The following ARPC1A variants were observed in gnomAD, a reference collection of about 807,000 sequenced individuals.
The protein encoded by ARPC1A is actin-related protein 2/3 complex subunit 1A.
Under a neutral mutation model 46.9 loss-of-function variants are expected in ARPC1A, and 8 were observed. The ratio of observed to expected loss-of-function variants is 0.17; its 90% CI spans 0.10 to 0.31. The LOEUF is 0.31. ARPC1A is among the 10% of genes least tolerant of loss of function. ARPC1A has a pLI of 1.00. For synonymous variants in ARPC1A, 152 were observed against 169.0 expected, an observed-to-expected ratio of 0.90 and a Z score of 0.78; for missense variants, 286 against 483.6, an observed-to-expected ratio of 0.59 and a Z score of 3.83.
At chr7:99,358,777 T>A in intron 7 of ARPC1A, 1 of 190,514 alleles carries the variant, frequency 5.2e-6, no homozygotes, top group Non-Finnish European at 1.1e-5. Flanking sequence ...CATCCTCAGG[T>A]GATCCACCCA....
chr7:99,337,147 C>T (rs1275745266), intron 2 of ARPC1A, among the ~76,000 whole-genome samples: 3 of 152,058 alleles, frequency 2.0e-5, no homozygotes, highest in Non-Finnish European at 4.4e-5. Context: ...TCCAGCTGAG[C>T]CTGGTGGCTC....
At chr7:99,359,922 A>ACTCCCTCCCTACCAC in intron 8 of ARPC1A, 184 bp downstream of exon 8, 1 of 704,312 alleles carries the variant, frequency 1.4e-6, no homozygotes, top group Non-Finnish European at 2.3e-6. Context: ...CGTGGTAGGG[A>ACTCCCTCCCTACCAC]GGGAGTCGCC....
intron 3 of ARPC1A, 43 bp from the exon 4 acceptor site, chr7:99,344,249 TG>T (rs756799569): frequency 1.9e-6 from 3 of 1,596,444 alleles, no homozygotes; most frequent in Non-Finnish European, 2.6e-6. Flanking sequence ...CGCAGTTGTT[TG>T]TCATTGACTG....
At chr7:99,361,850 T>C (rs2150875439) in intron 8 of ARPC1A, among the ~76,000 whole-genome samples, 1 of 152,368 alleles carries the variant, frequency 6.6e-6, no homozygotes, top group South Asian at 2.1e-4. Flanking sequence ...TACTGAACTC[T>C]GGTTGTGGCA....
chr7:99,330,799 C>T (rs1793132610), intron 1 of ARPC1A, among the ~76,000 whole-genome samples: 1 of 152,132 alleles, frequency 6.6e-6, no homozygotes. Context: ...CACATACTTA[C>T]GTGTGTTGAA....
At chr7:99,341,480 A>G (rs1341030197) in intron 3 of ARPC1A, among the ~76,000 whole-genome samples, 1 of 149,596 alleles carries the variant, frequency 6.7e-6, no homozygotes, top group Non-Finnish European at 1.5e-5. Flanking sequence ...GTGGTGGCAC[A>G]TGCCTGTAAT....
intron 2 of ARPC1A, among the ~76,000 whole-genome samples, chr7:99,337,589 A>G (rs1403326881): frequency 6.6e-6 from 1 of 152,200 alleles, no homozygotes; most frequent in African/African-American, 2.4e-5. Context: ...GTTTTTAAAA[A>G]GTCCGTTTTG....
At chr7:99,349,102 G>C in intron 5 of ARPC1A, 143 bp downstream of exon 5, 3 of 783,466 alleles carry the variant, frequency 3.8e-6, no homozygotes, top group Non-Finnish European at 6.1e-6. Context: ...CCAGGCTGGA[G>C]TGCAGTGGCA....
chr7:99,344,348 T>C lies in ARPC1A; in HGVS notation c.225T>C (p.Asn75=). ...TTGTCACTTGTGGGGCAGACCGCAA[T>C]GCCTATGTCTGGAGTCAGAAAGATG... ...DRIVTCGADR[N]AYVWSQKDGV... Residue 75 remains asparagine (N), a synonymous_variant, in exon 4 of 10, where the codon AAT becomes AAC. Transcript: ENST00000262942. The C allele has an allele frequency of 3.1e-6, 5 of 1,613,996 alleles. No individual in the cohort carries two copies. Among genetic ancestry groups the C allele is most frequent in the Non-Finnish European group, 4.2e-6 (5 of 1,179,870 alleles).
At chr7:99,365,846 T>G in intron 9 of ARPC1A, 45 bp from the exon 10 acceptor site, 1 of 1,542,700 alleles carries the variant, frequency 6.5e-7, no homozygotes, top group Non-Finnish European at 8.8e-7. Flanking sequence ...TACCTCGGGG[T>G]AGACACTCCT....
At chr7:99,365,424 G>T (rs1406401250) in intron 9 of ARPC1A, among the ~76,000 whole-genome samples, 1 of 151,978 alleles carries the variant, frequency 6.6e-6, no homozygotes, top group African/African-American at 2.4e-5. Flanking sequence ...AACACAGTGA[G>T]ATCCTGTCTC....
intron 5 of ARPC1A, among the ~76,000 whole-genome samples, chr7:99,351,444 C>T (rs1234124083): frequency 3.9e-5 from 6 of 152,046 alleles, no homozygotes; most frequent in Non-Finnish European, 8.8e-5. Context: ...GTCTCAAACT[C>T]CTGGCCTCGA....
At chr7:99,342,716 C>CTTTTTTT (rs555524613) in intron 3 of ARPC1A, among the ~76,000 whole-genome samples, 5 of 101,920 alleles carry the variant, frequency 4.9e-5, no homozygotes, top group African/African-American at 9.6e-5. Context: ...CTTCATACTA[C>CTTTTTTT]TTTTTTTTTT....
chr7:99,334,363 CA>C (rs1017345574), intron 2 of ARPC1A, among the ~76,000 whole-genome samples: 31 of 143,842 alleles, frequency 2.2e-4, no homozygotes, highest in Admixed American at 3.5e-4. Context: ...CTCTCTTTCT[CA>C]AAAAAAAAAA....
intron 8 of ARPC1A, among the ~76,000 whole-genome samples, chr7:99,361,888 G>A (rs1364160518): frequency 6.6e-6 from 1 of 152,218 alleles, no homozygotes; most frequent in Non-Finnish European, 1.5e-5. Flanking sequence ...GATGTAAACA[G>A]ATGAGGTGGC....
intron 3 of ARPC1A, 72 bp from the exon 4 acceptor site, chr7:99,344,221 C>A: frequency 1.4e-6 from 2 of 1,452,568 alleles, no homozygotes; most frequent in Non-Finnish European, 1.9e-6. Context: ...CATGCCAGTG[C>A]CACCCACCTG....
At chr7:99,358,231 A>G in intron 6 of ARPC1A, 109 bp from the exon 7 acceptor site, 2 of 1,066,238 alleles carry the variant, frequency 1.9e-6, no homozygotes, top group Non-Finnish European at 2.8e-6. Flanking sequence ...ATAAGTGCCC[A>G]TTGATACTGC....
intron 4 of ARPC1A, among the ~76,000 whole-genome samples, chr7:99,348,602 C>T (rs1429426292): frequency 1.3e-5 from 2 of 152,174 alleles, no homozygotes; most frequent in Non-Finnish European, 2.9e-5. Flanking sequence ...AACCTTGTCT[C>T]TGGCAGAAGG....
At chr7:99,358,221 A>T (rs1170664879) in intron 6 of ARPC1A, 119 bp from the exon 7 acceptor site, 41 of 941,864 alleles carry the variant, frequency 4.4e-5, no homozygotes, top group Non-Finnish European at 5.7e-5. Flanking sequence ...CCTTTTCAAC[A>T]TAAGTGCCCA....
Sources: gnomAD v4.1 joint callset for allele counts (sites outside exome capture counted in the v4.1 genomes callset) on GRCh38, gnomAD v4.1.1 for gene constraint, MANE v1.5 for transcripts, NCBI Gene and HGNC (gene_info 2026-07-23, HGNC 2026-07-21) for gene names.